Variants in LRRTM4 observed in about 807,000 individuals in gnomAD.
LRRTM4 encodes the protein leucine rich repeat transmembrane neuronal 4.
A neutral mutation model predicts 47.6 loss-of-function variants in LRRTM4; 25 were observed. The observed-to-expected ratio is 0.53, with a 90% CI of 0.38 to 0.73. LRRTM4 has a LOEUF of 0.73. Among genes scored for constraint, LRRTM4 ranks in the 30% least tolerant of loss-of-function variants. The pLI, the probability that LRRTM4 is intolerant of heterozygous loss-of-function variation, is 0.00. For missense variants in LRRTM4, 638 were observed against 713.4 expected, an observed-to-expected ratio of 0.89 and a Z score of 1.20; for synonymous variants, 311 against 269.5, an observed-to-expected ratio of 1.15 and a Z score of -1.51.
chr2:76,938,598 ATAC>A lies in LRRTM4; in HGVS notation c.1552-189685_1552-189683del, dbSNP rs542631812. 5.1e-3 allele frequency among the ~76,000 whole-genome samples: 778 copies of A among 152,262 alleles called. 3 individuals are homozygous for A. Among genetic ancestry groups the A allele is most frequent in the South Asian group, 0.028 (134 of 4,824 alleles). The stretch of plus-strand genomic sequence containing the variant: ...AATAAGCTTCAGTGAACAAAATGAG[ATAC>A]TACATTTCAAGTAATTTTCTTTTCA... On this transcript the variant is annotated intron_variant, in intron 3 of 3. Coordinates refer to ENST00000409884, the MANE Select transcript of LRRTM4 (RefSeq NM_001134745.3).
chr2:77,270,388 C>T (rs1385833974), intron 3 of LRRTM4, among the ~76,000 whole-genome samples: 1 of 152,064 alleles, frequency 6.6e-6, no homozygotes, highest in South Asian at 2.1e-4. Context: ...TATGATGACT[C>T]GTGTGAAAAT....
chr2:77,189,333 A>G (rs1673599270), intron 3 of LRRTM4, among the ~76,000 whole-genome samples: 1 of 152,172 alleles, frequency 6.6e-6, no homozygotes, highest in Non-Finnish European at 1.5e-5. Flanking sequence ...GCAGTTCTTC[A>G]TTAAATTGCT....
At chr2:76,768,548 C>T (rs1673547225) in intron 3 of LRRTM4, among the ~76,000 whole-genome samples, 2 of 151,848 alleles carry the variant, frequency 1.3e-5, no homozygotes, top group Admixed American at 6.6e-5. Context: ...ATTTTTTTCC[C>T]CAATTTCTAT....
rs113658473 is a variant in LRRTM4, at chr2:76,795,973, C to T, written c.1552-47057G>A. On this transcript the variant is annotated intron_variant, in intron 3 of 3. Transcript: ENST00000409884. ...GTGGGTGCGCGCACCATGTGCGAGC[C>T]GAAGCAGGGCGAGGCATTGCCTCAC... Among the ~76,000 whole-genome samples the T allele has an allele frequency of 4.8e-5, 7 of 146,114 alleles. No homozygotes were observed. The East Asian group carries it at 6.5e-4, about 14-fold the overall frequency.
chr2:77,004,569 C>T (rs1677563586), intron 3 of LRRTM4, among the ~76,000 whole-genome samples: 1 of 152,146 alleles, frequency 6.6e-6, no homozygotes, highest in Non-Finnish European at 1.5e-5. Context: ...AGAACCTCTG[C>T]TAGAGCAGTG....
intron 3 of LRRTM4, among the ~76,000 whole-genome samples, chr2:77,278,438 A>G (rs1676424377): frequency 6.6e-6 from 1 of 152,006 alleles, no homozygotes. Context: ...AATGTTGATC[A>G]GTACTTTTAA....
intron 3 of LRRTM4, among the ~76,000 whole-genome samples, chr2:76,954,741 A>G (rs1675615053): frequency 6.6e-6 from 1 of 151,812 alleles, no homozygotes; most frequent in African/African-American, 2.4e-5. Flanking sequence ...GATATACGCG[A>G]TAATAAAATT....
intron 3 of LRRTM4, among the ~76,000 whole-genome samples, chr2:76,979,357 A>G (rs1676519030): frequency 6.6e-6 from 1 of 151,932 alleles, no homozygotes. Flanking sequence ...GGGGTAATTT[A>G]GGTTTTACAT....
chr2:77,310,999 T>G (rs1350944526), intron 3 of LRRTM4, among the ~76,000 whole-genome samples: 1 of 151,972 alleles, frequency 6.6e-6, no homozygotes, highest in African/African-American at 2.4e-5. Context: ...CACATATATA[T>G]ATAGAGAGAG....
chr2:77,398,320 C>T (rs551803029), intron 3 of LRRTM4, among the ~76,000 whole-genome samples: 31 of 151,998 alleles, frequency 2.0e-4, no homozygotes, highest in Non-Finnish European at 3.2e-4. Flanking sequence ...CCTGTGGGAC[C>T]AGATACGTTT....
intron 3 of LRRTM4, among the ~76,000 whole-genome samples, chr2:77,106,234 C>A (rs914630733): frequency 1.3e-5 from 2 of 152,160 alleles, no homozygotes; most frequent in African/African-American, 2.4e-5. Context: ...TTATATAAAA[C>A]AATCTCTTTA....
At chr2:77,246,815 T>C (rs1675458959) in intron 3 of LRRTM4, among the ~76,000 whole-genome samples, 1 of 152,020 alleles carries the variant, frequency 6.6e-6, no homozygotes, top group Non-Finnish European at 1.5e-5. Flanking sequence ...TACATATACA[T>C]ATGACACGCC....
chr2:77,453,176 A>ATTTTTTTTTTTTTTTTTTTTTTTTTTTTT (rs1162461607), intron 3 of LRRTM4, among the ~76,000 whole-genome samples: 2 of 99,506 alleles, frequency 2.0e-5, no homozygotes, highest in Non-Finnish European at 4.0e-5. Context: ...TTTCTTCTTG[A>ATTTTTTTTTTTTTTTTTTTTTTTTTTTTT]TTTTTTTTTT....
intron 3 of LRRTM4, among the ~76,000 whole-genome samples, chr2:77,230,772 A>C (rs1422297514): frequency 1.3e-5 from 2 of 152,208 alleles, no homozygotes; most frequent in African/African-American, 2.4e-5. Flanking sequence ...AATGAACAGC[A>C]TGACTGACGT....
At chr2:77,133,175 T>C (rs991381001) in intron 3 of LRRTM4, among the ~76,000 whole-genome samples, 6 of 152,156 alleles carry the variant, frequency 3.9e-5, no homozygotes, top group African/African-American at 1.2e-4. Context: ...TTTTATTTGT[T>C]TAGAAATAAA....
chr2:76,775,811 G>A (rs574112766), intron 3 of LRRTM4, among the ~76,000 whole-genome samples: 1 of 151,742 alleles, frequency 6.6e-6, no homozygotes, highest in Non-Finnish European at 1.5e-5. Context: ...TATTGTGCAG[G>A]TTAGTTACAT....
chr2:76,768,286 TTCTA>T, intron 3 of LRRTM4, among the ~76,000 whole-genome samples: 1 of 152,316 alleles, frequency 6.6e-6, no homozygotes, highest in Admixed American at 6.5e-5. Flanking sequence ...TGGTAACTTC[TTCTA>T]TCTATTTTTC....
At chr2:77,263,448 G>A (rs924806713) in intron 3 of LRRTM4, among the ~76,000 whole-genome samples, 1 of 152,078 alleles carries the variant, frequency 6.6e-6, no homozygotes, top group African/African-American at 2.4e-5. Flanking sequence ...CTACTGCTTT[G>A]ATTCATATCT....
At chr2:77,123,213 CAGAGAGAGAGAGAGAGAG>C (rs56149151) in intron 3 of LRRTM4, among the ~76,000 whole-genome samples, 1 of 142,890 alleles carries the variant, frequency 7.0e-6, no homozygotes, top group Non-Finnish European at 1.5e-5. Context: ...TTCAGTCTCA[CAGAGAGAGAGAGAGAGAG>C]AGAGAGAGAG....
Sources: allele counts gnomAD v4.1 joint callset (sites outside exome capture counted in the v4.1 genomes callset), GRCh38; gene constraint gnomAD v4.1.1; transcripts MANE v1.5; gene names NCBI Gene and HGNC (gene_info 2026-07-23, HGNC 2026-07-21).